PPP1R21: variants seen among roughly 807,000 people sequenced by gnomAD.
The protein encoded by PPP1R21 is KLRAQ motif containing 1.
Under a neutral mutation model 112.8 loss-of-function variants are expected in PPP1R21, and 85 were observed. The ratio of observed to expected loss-of-function variants is 0.75; its 90% CI spans 0.63 to 0.90. The LOEUF (loss-of-function observed/expected upper bound fraction) is 0.90, where lower values mean the gene tolerates loss of function less well. Ranked by LOEUF, PPP1R21 falls within the 40% of genes least tolerant of loss-of-function variation. The pLI is 0.00. For missense variants in PPP1R21, 1,199 were observed against 901.5 expected (o/e 1.33, Z -4.23); for synonymous variants, 381 against 322.3 (o/e 1.18, Z -1.95).
At position 48,450,788 on chromosome 2, in the gene PPP1R21, A is replaced by T. The variant is rs912439196; in HGVS notation, c.58-220A>T. The stretch of plus-strand genomic sequence containing the variant: ...TTTTTGCCATTGATTTTTTTTTTTT[A>T]TTTCATTGGGCAACTCAGCCTGTGT... On this transcript the variant is annotated intron_variant, in intron 1 of 21. Transcript: ENST00000294952. Among the ~76,000 whole-genome samples, 97 of 145,874 alleles carry T rather than the reference A, an allele frequency of 6.6e-4. No individual in the cohort carries two copies. The East Asian group carries it at 0.016, about 25-fold the overall frequency.
rs143094762 is a variant in PPP1R21 at position 48,464,957 on chromosome 2, C to G, written c.715C>G (p.Leu239Val). The G allele has an allele frequency of 1.7e-5, 26 of 1,560,552 alleles. No homozygotes were observed. The African/African-American group carries it at 3.6e-4, about 21-fold the overall frequency. Residue 239 changes from leucine to valine, a missense_variant, in exon 8 of 22, where the codon CTG becomes GTG. Transcript: ENST00000294952. ...TGTAGAATATAGTCAGTACAACGCT[C>G]TGAACGTTCCACTCCACAATAGGAG... Reference protein sequence around the residue: ...NDTKYSQYNALNVPLHNRRHQ... With the variant: ...NDTKYSQYNAVNVPLHNRRHQ...
chr2:48,444,521 T>G (rs1277597270), intron 1 of PPP1R21, among the ~76,000 whole-genome samples: 1 of 152,252 alleles, frequency 6.6e-6, no homozygotes, highest in African/African-American at 2.4e-5. Context: ...TCATTTGATT[T>G]TAGCCTGCTT....
At chr2:48,511,612 A>G (rs1447796221) in intron 21 of PPP1R21, 144 bp downstream of exon 21, 8 of 987,348 alleles carry the variant, frequency 8.1e-6, no homozygotes, top group African/African-American at 1.7e-5. Context: ...CTGTAATCCC[A>G]GTACTTTGGG....
chr2:48,440,923 G>A lies in PPP1R21; in HGVS notation c.-31G>A, dbSNP rs368130765. The A allele has an allele frequency of 8.9e-5, 138 of 1,558,000 alleles. 2 individuals are homozygous for A. The East Asian group carries it at 3.1e-3, about 35-fold the overall frequency. ...GCGGGAGACAGGCTGAGCCGCCTGG[G>A]CGGCCTGGCCTGTACGGGGCGGGGG... On this transcript the variant is annotated 5_prime_UTR_variant, in exon 1 of 22. Transcript: ENST00000294952.
chr2:48,440,922 G>C lies in PPP1R21; in HGVS notation c.-32G>C, dbSNP rs766201960. The stretch of plus-strand genomic sequence containing the variant: ...GGCGGGAGACAGGCTGAGCCGCCTG[G>C]GCGGCCTGGCCTGTACGGGGCGGGG... On this transcript the variant is annotated 5_prime_UTR_variant, in exon 1 of 22. Coordinates refer to ENST00000294952, the MANE Select transcript of PPP1R21 (RefSeq NM_001135629.3). 10 of 1,556,196 alleles carry C rather than the reference G, an allele frequency of 6.4e-6. No homozygotes were observed. Among genetic ancestry groups the C allele is most frequent in the African/African-American group, 1.4e-5 (1 of 72,690 alleles).
intron 11 of PPP1R21, 35 bp downstream of exon 11, chr2:48,471,402 T>C: frequency 6.3e-7 from 1 of 1,575,840 alleles, no homozygotes; most frequent in South Asian, 1.2e-5. Context: ...ACTTGGGGAA[T>C]TGTGGGTGTA....
At chr2:48,441,460 A>G in intron 1 of PPP1R21, 1 of 227,328 alleles carries the variant, frequency 4.4e-6, no homozygotes, top group South Asian at 5.6e-5. Flanking sequence ...CCCCCGAATC[A>G]ATTCGAGAGG....
At chr2:48,495,816 G>C in intron 16 of PPP1R21, 45 bp downstream of exon 16, 1 of 1,100,758 alleles carries the variant, frequency 9.1e-7, no homozygotes, top group East Asian at 2.4e-5. Context: ...GAACAGAAAT[G>C]TTAAATCCCC....
At position 48,450,993 on chromosome 2, in the gene PPP1R21, T is replaced by C. The variant is rs774642618; in HGVS notation, c.58-15T>C. The C allele has an allele frequency of 2.5e-6, 4 of 1,611,588 alleles. No individual in the cohort carries two copies. Among genetic ancestry groups the C allele is most frequent in the South Asian group, 1.1e-5 (1 of 91,034 alleles). On this transcript the variant is annotated splice_polypyrimidine_tract_variant and intron_variant, in intron 1 of 21. Coordinates refer to ENST00000294952, the MANE Select transcript of PPP1R21 (RefSeq NM_001135629.3). ...CTTTATATTAGAAATTGATTATTGC[T>C]TTCTCTGTTTTCAGCTTCGGGCTCA... is the stretch of plus-strand genomic sequence containing the variant.
intron 1 of PPP1R21, among the ~76,000 whole-genome samples, chr2:48,449,688 C>T (rs758194018): frequency 2.4e-4 from 37 of 151,936 alleles, no homozygotes; most frequent in Non-Finnish European, 4.3e-4. Flanking sequence ...GTTCTGTGTT[C>T]TCAGGAGACA....
intron 21 of PPP1R21, among the ~76,000 whole-genome samples, chr2:48,512,740 T>C (rs1670697310): frequency 6.6e-6 from 1 of 152,226 alleles, no homozygotes; most frequent in African/African-American, 2.4e-5. Context: ...TCTGTGATTA[T>C]TGTAATCACC....
At chr2:48,469,523 T>TAGAGAGAGAGC (rs1471066482) in intron 9 of PPP1R21, among the ~76,000 whole-genome samples, 21 of 103,234 alleles carry the variant, frequency 2.0e-4, no homozygotes, top group Admixed American at 3.3e-4. Flanking sequence ...TATATATATA[T>TAGAGAGAGAGC]ATATATATAT....
chr2:48,472,404 T>C (rs1049709422), intron 11 of PPP1R21, among the ~76,000 whole-genome samples: 1 of 152,016 alleles, frequency 6.6e-6, no homozygotes, highest in Admixed American at 6.6e-5. Flanking sequence ...AGAGGGTGGA[T>C]CACCTGAGGT....
At chr2:48,443,407 A>G (rs1667114517) in intron 1 of PPP1R21, among the ~76,000 whole-genome samples, 1 of 152,216 alleles carries the variant, frequency 6.6e-6, no homozygotes, top group African/African-American at 2.4e-5. Context: ...GTTGGAAGTA[A>G]TGGCTGAAAC....
chr2:48,514,666 A>AT (rs544319437), intron 21 of PPP1R21, 49 bp from the exon 22 acceptor site: 968 of 1,336,494 alleles, frequency 7.2e-4, no homozygotes, highest in African/African-American at 2.4e-3. Flanking sequence ...TATGTGAGTT[A>AT]TTTTTTTTTA....
rs779970005 is a variant in PPP1R21 at position 48,471,083 on chromosome 2, T to C, written c.898-4T>C. 7.0e-6 allele frequency: 11 copies of C among 1,581,544 alleles called. No homozygotes were observed. The Admixed American group carries it at 1.8e-4, about 26-fold the overall frequency. ...TAATTCACAATACTTTCCCTCCTGT[T>C]TAGTTCTCACAATACCTTCATGAAA... On this transcript the variant is annotated splice_region_variant and splice_polypyrimidine_tract_variant and intron_variant, in intron 9 of 21. Transcript: ENST00000294952.
Position 48,469,261 on chromosome 2 carries a change from TTGTGTG to T in PPP1R21, c.898-1796_898-1791del, listed in dbSNP as rs745866100. ...GCCAAACCATATCAATATATTTGAATTGTGTGTGTGTGTGTGTGTGTGTGTGTGTGT... is the reference window on the plus strand; with the variant it reads ...GCCAAACCATATCAATATATTTGAATTGTGTGTGTGTGTGTGTGTGTGTGT... On this transcript the variant is annotated intron_variant, in intron 9 of 21. Transcript: ENST00000294952. Among the ~76,000 whole-genome samples the T allele has an allele frequency of 3.6e-3, 167 of 46,234 alleles. 3 individuals are homozygous for T. The highest frequency in any genetic ancestry group is 7.0e-3 in the African/African-American group (94 of 13,400). 30.3% of individuals were successfully genotyped at this position (46,234 alleles called of 152,430 possible).
intron 9 of PPP1R21, among the ~76,000 whole-genome samples, chr2:48,469,508 GCATATATATATATATATATATATAT>G (rs1428569059): frequency 0.017 from 251 of 14,820 alleles, 27 homozygotes; most frequent in African/African-American, 0.052. Context: ...TATATATAGA[GCATATATATATATATATATATATAT>G]ATAGAGCATA....
At chr2:48,464,833 A>C in intron 7 of PPP1R21, 104 bp from the exon 8 acceptor site, 1 of 743,518 alleles carries the variant, frequency 1.3e-6, no homozygotes. Context: ...TTAAATTCTT[A>C]TGTAAAGTTG....
Sources: allele counts gnomAD v4.1 joint callset (sites outside exome capture counted in the v4.1 genomes callset), GRCh38; gene constraint gnomAD v4.1.1; transcripts MANE v1.5; gene names NCBI Gene and HGNC (gene_info 2026-07-23, HGNC 2026-07-21).